The following SDC2 variants were observed in gnomAD, a reference collection of about 807,000 sequenced individuals.
SDC2 encodes syndecan 2.
A neutral mutation model predicts 22.2 loss-of-function variants in SDC2; 13 were observed. The ratio of observed to expected loss-of-function variants is 0.59; its 90% CI spans 0.38 to 0.93. The LOEUF (loss-of-function observed/expected upper bound fraction) is 0.93, where lower values mean the gene tolerates loss of function less well. SDC2 is among the 40% of genes least tolerant of loss of function. The pLI, the probability that SDC2 is intolerant of heterozygous loss-of-function variation, is 0.00. For synonymous variants in SDC2, 94 were observed against 92.8 expected (o/e 1.01, Z -0.07); for missense variants, 235 against 246.8 (o/e 0.95, Z 0.32).
intron 1 of SDC2, among the ~76,000 whole-genome samples, chr8:96,540,438 A>G (rs1276814031): frequency 6.8e-6 from 1 of 147,814 alleles, no homozygotes; most frequent in African/African-American, 2.5e-5. Flanking sequence ...TGAGCCTGGG[A>G]GGTGGAGGTT....
chr8:96,521,178 G>A (rs1193351416), intron 1 of SDC2, among the ~76,000 whole-genome samples: 1 of 152,172 alleles, frequency 6.6e-6, no homozygotes, highest in African/African-American at 2.4e-5. Flanking sequence ...AATATGTTGT[G>A]TATTTTTGAA....
chr8:96,586,302 C>A (rs769486944), intron 1 of SDC2: 19 of 152,182 alleles, frequency 1.2e-4, no homozygotes, highest in Non-Finnish European at 2.2e-4. Context: ...TTCCTTTCAC[C>A]AAATGGCGTA....
At chr8:96,584,366 A>T (rs1488249143) in intron 1 of SDC2, among the ~76,000 whole-genome samples, 2 of 152,210 alleles carry the variant, frequency 1.3e-5, no homozygotes, top group Non-Finnish European at 2.9e-5. Flanking sequence ...AGGAGAATAT[A>T]TGTGGTTATG....
Sources: allele counts gnomAD v4.1 joint callset (sites outside exome capture counted in the v4.1 genomes callset), GRCh38; gene constraint gnomAD v4.1.1; transcripts MANE v1.5; gene names NCBI Gene and HGNC (gene_info 2026-07-23, HGNC 2026-07-21).